Variants in NHSL1 observed in about 807,000 individuals in gnomAD.
NHSL1 encodes the protein NHS-like protein 1.
A neutral mutation model predicts 95.0 loss-of-function variants in NHSL1; 48 were observed. The ratio of observed to expected loss-of-function variants is 0.51; its 90% CI spans 0.40 to 0.64. The LOEUF (loss-of-function observed/expected upper bound fraction) is 0.64, where lower values mean the gene tolerates loss of function less well. Among genes scored for constraint, NHSL1 ranks in the 30% least tolerant of loss-of-function variants. The pLI is 0.00. For missense variants in NHSL1, 1,971 were observed against 2,077.7 expected (o/e 0.95, Z 1.00); for synonymous variants, 783 against 833.9 (o/e 0.94, Z 1.05).
At chr6:138,601,414 T>C (rs111635123) in intron 1 of NHSL1, among the ~76,000 whole-genome samples, 4 of 152,358 alleles carry the variant, frequency 2.6e-5, no homozygotes, top group African/African-American at 9.6e-5. Context: ...GACACTTGTG[T>C]GGCTATTGCT....
In NHSL1 at chr6:138,424,237, C is replaced by A; in HGVS notation, c.4665G>T (p.Leu1555=). The A allele has an allele frequency of 6.6e-7, 1 of 1,506,574 alleles. No individual in the cohort carries two copies. 93.3% of individuals were successfully genotyped at this position (1,506,574 alleles called of 1,614,324 possible). ...CGCCCTCGTCCATCTCCTCCCTCGC[C>A]AGTCCGTCCAGGGAACATCCCTCCG... is the stretch of plus-strand genomic sequence containing the variant. ...GAAEGCSLDG[L]AREEMDEGGL... is the part of the protein sequence containing the mutation. The change falls in exon 8 of 8, where the codon CTG becomes CTT. Residue 1555 remains leucine (L), a synonymous_variant. Transcript: ENST00000343505. The surrounding 1 kb of genome is among the most constrained non-coding windows in gnomAD (Gnocchi z 5.9).
chr6:138,487,068 C>G (rs1039977180), intron 2 of NHSL1, among the ~76,000 whole-genome samples: 55 of 152,070 alleles, frequency 3.6e-4, no homozygotes, highest in African/African-American at 1.3e-3. Flanking sequence ...GAAAGAAGAA[C>G]AAGACAAGCT....
At chr6:138,688,240 C>T (rs1785613130) in intron 1 of NHSL1, among the ~76,000 whole-genome samples, 1 of 152,132 alleles carries the variant, frequency 6.6e-6, no homozygotes, top group Non-Finnish European at 1.5e-5. Context: ...GTGTGAGCCA[C>T]TCCACCCGGC....
At chr6:138,674,372 G>A (rs1785420719) in intron 1 of NHSL1, among the ~76,000 whole-genome samples, 1 of 151,986 alleles carries the variant, frequency 6.6e-6, no homozygotes, top group South Asian at 2.1e-4. Flanking sequence ...TTGTTACGTA[G>A]GTAAGCATGT....
upstream of NHSL1, among the ~76,000 whole-genome samples, chr6:138,550,441 C>A: frequency 6.6e-6 from 1 of 152,120 alleles, no homozygotes; most frequent in Admixed American, 6.6e-5. Flanking sequence ...GGAGTAGGTC[C>A]AAGATGATGC....
intron 1 of NHSL1, among the ~76,000 whole-genome samples, chr6:138,504,711 G>A (rs532359426): frequency 6.6e-6 from 1 of 152,322 alleles, no homozygotes; most frequent in Admixed American, 6.5e-5. Context: ...GGCCAGTGCT[G>A]CATTTTAACT....
chr6:138,445,782 G>A (rs905660804), intron 4 of NHSL1, among the ~76,000 whole-genome samples: 9 of 152,174 alleles, frequency 5.9e-5, no homozygotes, highest in Admixed American at 6.5e-5. Flanking sequence ...GGTTTCCAGA[G>A]TAAATGTTCA....
At chr6:138,645,757 C>T (rs545592466) in intron 1 of NHSL1, among the ~76,000 whole-genome samples, 178 of 152,232 alleles carry the variant, frequency 1.2e-3, no homozygotes, top group African/African-American at 4.0e-3. Context: ...CTACTCACCT[C>T]AGCCTCCCAA....
In NHSL1 at chr6:138,424,857, G is replaced by A. The variant is rs1351217724; in HGVS notation, c.4086-41C>T. 15 of 1,501,046 alleles carry A rather than the reference G, an allele frequency of 1.0e-5. No homozygotes were observed. The highest frequency in any genetic ancestry group is 4.1e-5 in the Admixed American group (2 of 48,570). 93.0% of individuals were successfully genotyped at this position (1,501,046 alleles called of 1,614,324 possible). A position where few individuals can be genotyped will look rare whatever the true frequency, so the allele number is the denominator to read the frequency against. ...ATTAAGAAAAAGGTTAATTCCCACG[G>A]GACCACAGGCTGTCAGCCACAACCA... is the stretch of plus-strand genomic sequence containing the variant. On this transcript the variant is annotated intron_variant, in intron 7 of 7. Coordinates refer to ENST00000343505, the MANE Select transcript of NHSL1 (RefSeq NM_001144060.2). This position sits in a 1 kb window ranked among gnomAD's most constrained non-coding sequence, Gnocchi z 5.9.
chr6:138,657,539 C>T (rs1428973481), intron 1 of NHSL1, among the ~76,000 whole-genome samples: 18 of 152,012 alleles, frequency 1.2e-4, no homozygotes, highest in African/African-American at 3.6e-4. Flanking sequence ...CTAGGCTGGG[C>T]GCGGTGGCTC....
intron 3 of NHSL1, among the ~76,000 whole-genome samples, chr6:138,450,478 T>G (rs1007224656): frequency 6.6e-6 from 1 of 152,254 alleles, no homozygotes. Flanking sequence ...CTTTTCCACA[T>G]GACGTCTGCT....
intron 1 of NHSL1, among the ~76,000 whole-genome samples, chr6:138,646,830 C>CT (rs1456394214): frequency 6.6e-6 from 1 of 152,198 alleles, no homozygotes; most frequent in Non-Finnish European, 1.5e-5. Flanking sequence ...CATTTCTCTA[C>CT]TTTTACACAA....
rs1775526576 is a variant in NHSL1, at chr6:138,430,015, C to G, written c.3953-172G>C. On this transcript the variant is annotated intron_variant, in intron 6 of 7. Transcript: ENST00000343505. This position sits in a 1 kb window ranked among gnomAD's most constrained non-coding sequence, Gnocchi z 4.7. ...CAAAGAAGGGAGGAAATGACACTAG[C>G]CTGAGAGCCAGAGCTCATTCTTTGT... is the stretch of plus-strand genomic sequence containing the variant. Among the ~76,000 whole-genome samples, 2 of 152,188 alleles carry G rather than the reference C, an allele frequency of 1.3e-5. No homozygotes were observed. The highest frequency in any genetic ancestry group is 2.9e-5 in the Non-Finnish European group (2 of 68,036).
At chr6:138,509,220 A>C (rs1389169686) in intron 1 of NHSL1, among the ~76,000 whole-genome samples, 6 of 152,254 alleles carry the variant, frequency 3.9e-5, no homozygotes, top group African/African-American at 1.4e-4. Context: ...CAATAACAAT[A>C]ATTCAAACAA....
chr6:138,659,211 G>A (rs1053696422), intron 1 of NHSL1, among the ~76,000 whole-genome samples: 36 of 151,870 alleles, frequency 2.4e-4, no homozygotes, highest in Middle Eastern at 3.4e-3. Context: ...CACCACATCC[G>A]GCTAATTTTT....
intron 2 of NHSL1, among the ~76,000 whole-genome samples, chr6:138,488,965 T>A (rs1161900339): frequency 6.6e-6 from 1 of 152,184 alleles, no homozygotes; most frequent in Non-Finnish European, 1.5e-5. Context: ...AGCTCCAGCA[T>A]TCTAGGGGTC....
intron 3 of NHSL1, among the ~76,000 whole-genome samples, chr6:138,462,701 C>T (rs986901603): frequency 3.3e-5 from 5 of 152,222 alleles, no homozygotes; most frequent in African/African-American, 1.2e-4. Flanking sequence ...GACTGCTAGG[C>T]AGCACTTGAG....
chr6:138,502,147 C>G (rs1780717612), upstream of NHSL1, among the ~76,000 whole-genome samples: 1 of 152,090 alleles, frequency 6.6e-6, no homozygotes, highest in South Asian at 2.1e-4. Context: ...TCCACACTGC[C>G]ACATAACACC....
chr6:138,568,082 G>T (rs1332987175), intron 1 of NHSL1, among the ~76,000 whole-genome samples: 1 of 152,108 alleles, frequency 6.6e-6, no homozygotes, highest in Non-Finnish European at 1.5e-5. Context: ...TTTCCTCAAG[G>T]ACCTTCCACA....
Sources: allele counts gnomAD v4.1 joint callset (sites outside exome capture counted in the v4.1 genomes callset), GRCh38; gene constraint gnomAD v4.1.1; non-coding constraint Gnocchi (gnomAD v3.1); transcripts MANE v1.5; gene names NCBI Gene and HGNC (gene_info 2026-07-23, HGNC 2026-07-21).